The following OR9Q1 variants were observed in gnomAD, a reference collection of about 807,000 sequenced individuals.
OR9Q1 encodes the protein olfactory receptor family 9 subfamily Q member 1.
For synonymous variants in OR9Q1, 153 were observed against 148.6 expected (o/e 1.03, Z -0.22); for missense variants, 374 against 378.8 (o/e 0.99, Z 0.11).
At chr11:58,026,153 C>T (rs1246242292) in intron 1 of OR9Q1, among the ~76,000 whole-genome samples, 1 of 152,188 alleles carries the variant, frequency 6.6e-6, no homozygotes, top group African/African-American at 2.4e-5. Context: ...ACTTGCAACT[C>T]ATTTTGGGTT....
chr11:58,038,799 T>C (rs1481687312), intron 1 of OR9Q1, among the ~76,000 whole-genome samples: 1 of 152,192 alleles, frequency 6.6e-6, no homozygotes, highest in East Asian at 1.9e-4. Context: ...CCCTTGTACC[T>C]GTGCTGGGAT....
chr11:58,112,743 A>G (rs1235878955), intron 2 of OR9Q1, among the ~76,000 whole-genome samples: 1 of 152,100 alleles, frequency 6.6e-6, no homozygotes, highest in Non-Finnish European at 1.5e-5. Flanking sequence ...CCCCAAGCTT[A>G]TCCGTTAGTT....
At chr11:58,137,805 T>C (rs2119858376) in intron 2 of OR9Q1, among the ~76,000 whole-genome samples, 1 of 152,278 alleles carries the variant, frequency 6.6e-6, no homozygotes, top group South Asian at 2.1e-4. Context: ...TGTTGGGGTA[T>C]TGTGAGAAGT....
intron 2 of OR9Q1, among the ~76,000 whole-genome samples, chr11:58,102,557 G>C (rs957243995): frequency 6.5e-5 from 9 of 138,654 alleles, no homozygotes; most frequent in Admixed American, 1.4e-4. Flanking sequence ...TTGGGTGGCA[G>C]GTTTTTTTTT....
At chr11:58,170,171 A>G (rs1854540978) in intron 2 of OR9Q1, among the ~76,000 whole-genome samples, 1 of 151,968 alleles carries the variant, frequency 6.6e-6, no homozygotes, top group Non-Finnish European at 1.5e-5. Context: ...CCCTTTTTTC[A>G]GATGCTTCTA....
intron 1 of OR9Q1, among the ~76,000 whole-genome samples, chr11:58,036,112 ATGAGTAGTGATTT>A (rs1261551349): frequency 6.6e-6 from 1 of 152,176 alleles, no homozygotes; most frequent in Non-Finnish European, 1.5e-5. Context: ...ATAATGATCT[ATGAGTAGTGATTT>A]TTGATGTCAC....
intron 2 of OR9Q1, among the ~76,000 whole-genome samples, chr11:58,150,841 C>T (rs1394073499): frequency 6.6e-6 from 1 of 152,134 alleles, no homozygotes; most frequent in African/African-American, 2.4e-5. Flanking sequence ...TCTAAAACAG[C>T]CCCAGGCAGG....
chr11:58,120,968 G>C (rs1225385001), intron 2 of OR9Q1, among the ~76,000 whole-genome samples: 13 of 151,794 alleles, frequency 8.6e-5, no homozygotes, highest in Admixed American at 8.5e-4. Context: ...ATATGGGAAT[G>C]CTTGCTAATT....
At chr11:58,111,144 A>T (rs1853895535) in intron 2 of OR9Q1, among the ~76,000 whole-genome samples, 1 of 152,164 alleles carries the variant, frequency 6.6e-6, no homozygotes, top group African/African-American at 2.4e-5. Context: ...GTGGAAATTG[A>T]TGCATATAAA....
At position 58,042,192 on chromosome 11, in the gene OR9Q1, G is replaced by A. The variant is rs1011210595; in HGVS notation, c.-92-13678G>A. Among the ~76,000 whole-genome samples, 7 of 141,362 alleles carry A rather than the reference G, an allele frequency of 5.0e-5. No individual in the cohort carries two copies. In the East Asian group the frequency reaches 1.8e-3, roughly 36 times the overall value. 92.7% of individuals were successfully genotyped at this position (141,362 alleles called of 152,430 possible). A position where few individuals can be genotyped will look rare whatever the true frequency, so the allele number is the denominator to read the frequency against. On this transcript the variant is annotated intron_variant, in intron 1 of 2. Coordinates refer to ENST00000335397, the MANE Select transcript of OR9Q1 (RefSeq NM_001005212.4). ...ATTTTAAGGATGTATTTTGTGGCCTGAGCCCTGGAATAGTCATTTATTCTT... is the reference window on the plus strand; with the variant it reads ...ATTTTAAGGATGTATTTTGTGGCCTAAGCCCTGGAATAGTCATTTATTCTT...
Position 58,039,813 on chromosome 11 carries a change from A to G in OR9Q1, c.-93+15709A>G, listed in dbSNP as rs80122676. 5.0e-4 allele frequency among the ~76,000 whole-genome samples: 76 copies of G among 152,364 alleles called. No homozygotes were observed. The East Asian group carries it at 0.013, about 25-fold the overall frequency. On this transcript the variant is annotated intron_variant, in intron 1 of 2. Coordinates refer to ENST00000335397, the MANE Select transcript of OR9Q1 (RefSeq NM_001005212.4). The stretch of plus-strand genomic sequence containing the variant: ...CCTCTCTGAAGGTCCCTTCCAGGAC[A>G]TAGCTTAGAGCAAGTGTCCTGTAAA...
chr11:58,125,304 A>G (rs993969146), intron 2 of OR9Q1: 19 of 132,692 alleles, frequency 1.4e-4, no homozygotes, highest in African/African-American at 5.1e-4. Flanking sequence ...CTGAAATCCC[A>G]GTCTGGTCAT....
intron 2 of OR9Q1, among the ~76,000 whole-genome samples, chr11:58,058,065 G>A (rs1430371355): frequency 6.6e-6 from 1 of 152,172 alleles, no homozygotes; most frequent in Non-Finnish European, 1.5e-5. Context: ...CTGCCTCTCT[G>A]CTAGTCTAAA....
At chr11:58,125,677 C>T (rs919276503) in intron 2 of OR9Q1, 1 of 152,196 alleles carries the variant, frequency 6.6e-6, no homozygotes, top group African/African-American at 2.4e-5. Context: ...GGGACAGCCC[C>T]TGGGACTCCA....
At chr11:58,036,636 T>C (rs2119927699) in intron 1 of OR9Q1, among the ~76,000 whole-genome samples, 1 of 152,194 alleles carries the variant, frequency 6.6e-6, no homozygotes, top group East Asian at 1.9e-4. Context: ...TGATCAGGAG[T>C]TTGGAATAAG....
chr11:58,030,077 G>T (rs1311742139), intron 1 of OR9Q1, among the ~76,000 whole-genome samples: 1 of 152,098 alleles, frequency 6.6e-6, no homozygotes, highest in Non-Finnish European at 1.5e-5. Context: ...CCCAACCTCA[G>T]GTGAGCTGCC....
intron 2 of OR9Q1, among the ~76,000 whole-genome samples, chr11:58,062,345 G>A (rs1343768403): frequency 6.6e-6 from 1 of 152,136 alleles, no homozygotes; most frequent in East Asian, 1.9e-4. Flanking sequence ...CACGTAGGTT[G>A]AGCCACTTTT....
intron 2 of OR9Q1, among the ~76,000 whole-genome samples, chr11:58,108,112 C>T (rs1273879707): frequency 6.6e-6 from 1 of 152,064 alleles, no homozygotes; most frequent in Non-Finnish European, 1.5e-5. Flanking sequence ...TATTAGAAAC[C>T]ATTTAGGAAG....
At chr11:58,034,833 C>G (rs1220097686) in intron 1 of OR9Q1, among the ~76,000 whole-genome samples, 1 of 145,682 alleles carries the variant, frequency 6.9e-6, no homozygotes, top group African/African-American at 2.6e-5. Context: ...TTGCTTCCTT[C>G]CTTCATTTTT....
Sources: gnomAD v4.1 joint callset for allele counts (sites outside exome capture counted in the v4.1 genomes callset) on GRCh38, gnomAD v4.1.1 for gene constraint, MANE v1.5 for transcripts, NCBI Gene and HGNC (gene_info 2026-07-23, HGNC 2026-07-21) for gene names.